DNM3: variants seen among roughly 807,000 people sequenced by gnomAD.
DNM3 encodes the protein dynamin-3.
Under a neutral mutation model 101.6 loss-of-function variants are expected in DNM3, and 47 were observed. The observed-to-expected ratio is 0.46, with a 90% CI of 0.37 to 0.59. The LOEUF is 0.59. Ranked by LOEUF, DNM3 falls within the 20% of genes least tolerant of loss-of-function variation. The pLI, the probability that DNM3 is intolerant of heterozygous loss-of-function variation, is 0.00. For missense variants in DNM3, 849 were observed against 1,085.7 expected (o/e 0.78, Z 3.06); for synonymous variants, 385 against 387.9 (o/e 0.99, Z 0.09).
At chr1:172,255,095 A>G (rs2148692276) in intron 15 of DNM3, among the ~76,000 whole-genome samples, 1 of 152,224 alleles carries the variant, frequency 6.6e-6, no homozygotes, top group South Asian at 2.1e-4. Context: ...AGTGACTCAT[A>G]ATACAAAAAT....
intron 4 of DNM3, among the ~76,000 whole-genome samples, chr1:172,001,066 G>T (rs1479097539): frequency 3.3e-5 from 5 of 152,018 alleles, no homozygotes; most frequent in Non-Finnish European, 7.4e-5. Flanking sequence ...ATGAGGATGG[G>T]ATACAGGGCA....
At chr1:172,208,973 A>C (rs2060417795) in intron 14 of DNM3, among the ~76,000 whole-genome samples, 2 of 152,082 alleles carry the variant, frequency 1.3e-5, no homozygotes, top group South Asian at 4.1e-4. Context: ...GAAGCAACAG[A>C]AGAGAGAAGG....
At chr1:171,989,237 T>G (rs902128111) in intron 4 of DNM3, 89 bp downstream of exon 4, 8 of 1,210,900 alleles carry the variant, frequency 6.6e-6, no homozygotes, top group Non-Finnish European at 7.8e-6. Flanking sequence ...AAGATTTGGT[T>G]TCATTATAAA....
chr1:171,985,272 CCTTTT>C (rs1184361496), intron 2 of DNM3, among the ~76,000 whole-genome samples: 3 of 152,050 alleles, frequency 2.0e-5, no homozygotes, highest in Non-Finnish European at 4.4e-5. Flanking sequence ...TCTAATTTTT[CCTTTT>C]AATTTTTGCT....
chr1:172,203,401 G>A (rs2060219216), intron 14 of DNM3, among the ~76,000 whole-genome samples: 1 of 152,188 alleles, frequency 6.6e-6, no homozygotes, highest in Non-Finnish European at 1.5e-5. Flanking sequence ...GGGTCGCAGA[G>A]TGGTTTTTGG....
chr1:172,266,153 A>G (rs767640287), intron 15 of DNM3, among the ~76,000 whole-genome samples: 2 of 152,098 alleles, frequency 1.3e-5, no homozygotes, highest in Non-Finnish European at 2.9e-5. Flanking sequence ...GTAGTGGTAT[A>G]TTTTTCCACT....
At chr1:172,096,396 T>G (rs2054246855) in intron 13 of DNM3, among the ~76,000 whole-genome samples, 1 of 152,144 alleles carries the variant, frequency 6.6e-6, no homozygotes, top group South Asian at 2.1e-4. Context: ...AAAAGGAGAT[T>G]AGTTAGAAGG....
chr1:171,843,936 A>G (rs902905626), intron 1 of DNM3, among the ~76,000 whole-genome samples: 1 of 152,186 alleles, frequency 6.6e-6, no homozygotes, highest in African/African-American at 2.4e-5. Context: ...GACTGTTAGA[A>G]CGCCAAATCA....
chr1:172,215,960 T>TA (rs35363776), intron 14 of DNM3, among the ~76,000 whole-genome samples: 2,637 of 136,858 alleles, frequency 0.019, 67 homozygotes, highest in African/African-American at 0.062. Context: ...ACACTCTCTT[T>TA]AAAAAAAAAA....
chr1:172,378,420 A>G (rs918125061), intron 17 of DNM3, among the ~76,000 whole-genome samples: 2 of 152,134 alleles, frequency 1.3e-5, no homozygotes, highest in African/African-American at 4.8e-5. Context: ...CAATGGAGCC[A>G]GTCTTTAGTA....
chr1:171,925,661 G>C (rs2040512372), intron 2 of DNM3, among the ~76,000 whole-genome samples: 1 of 152,174 alleles, frequency 6.6e-6, no homozygotes, highest in Admixed American at 6.5e-5. Flanking sequence ...TAGATCGTCT[G>C]TTTACTCTGT....
chr1:171,916,944 TCA>T (rs2039760354), intron 1 of DNM3, among the ~76,000 whole-genome samples: 1 of 152,172 alleles, frequency 6.6e-6, no homozygotes, highest in Non-Finnish European at 1.5e-5. Context: ...GCCTCCTACC[TCA>T]TATTTCTTCT....
intron 14 of DNM3, among the ~76,000 whole-genome samples, chr1:172,196,563 G>A (rs2059956389): frequency 6.6e-6 from 1 of 151,900 alleles, no homozygotes; most frequent in African/African-American, 2.4e-5. Context: ...AACCTTGCCA[G>A]CATCTATTAT....
chr1:172,409,399 CAGAG>C lies in DNM3; in HGVS notation c.*1560_*1563del, dbSNP rs2071087536. ...GTAAAAACTTTTAACCATTATTAAA[CAGAG>C]AACTTGCCATGTTGAGTGCCATTGT... is the stretch of plus-strand genomic sequence containing the variant. On this transcript the variant is annotated 3_prime_UTR_variant, in exon 21 of 21. Transcript: ENST00000627582. 1.0e-6 allele frequency: 1 copy of C among 984,776 alleles called. No homozygotes were observed. Among genetic ancestry groups the C allele is most frequent in the Non-Finnish European group, 1.2e-6 (1 of 829,486 alleles). The allele number at this position is 984,776 out of a possible 1,614,324, so 61.0% of individuals were successfully genotyped here.
chr1:172,277,644 T>C (rs1164416850), intron 15 of DNM3, among the ~76,000 whole-genome samples: 1 of 152,016 alleles, frequency 6.6e-6, no homozygotes, highest in African/African-American at 2.4e-5. Context: ...CAAAAAAAGG[T>C]GTAATATAAC....
intron 2 of DNM3, among the ~76,000 whole-genome samples, chr1:171,979,326 T>C (rs1020401028): frequency 6.6e-6 from 1 of 152,198 alleles, no homozygotes; most frequent in African/African-American, 2.4e-5. Context: ...ATTTTGTGGG[T>C]ACATAGTAGG....
intron 2 of DNM3, among the ~76,000 whole-genome samples, chr1:171,944,273 C>T (rs2042003235): frequency 6.6e-6 from 1 of 151,972 alleles, no homozygotes. Context: ...AGAGACTGTA[C>T]AAAAACAGAT....
intron 2 of DNM3, among the ~76,000 whole-genome samples, chr1:171,933,593 G>T (rs969952713): frequency 1.3e-5 from 2 of 152,146 alleles, no homozygotes; most frequent in Non-Finnish European, 2.9e-5. Flanking sequence ...AGTTTAGAAA[G>T]GAGGCAAGTG....
intron 8 of DNM3, among the ~76,000 whole-genome samples, chr1:172,043,238 G>T (rs10910970): frequency 0.37 from 55,669 of 151,910 alleles, 10,665 homozygotes; most frequent in East Asian, 0.64. Context: ...TGACTTCCAA[G>T]GTTTTGGCTT....
Sources: gnomAD v4.1 joint callset for allele counts (sites outside exome capture counted in the v4.1 genomes callset) on GRCh38, gnomAD v4.1.1 for gene constraint, MANE v1.5 for transcripts, NCBI Gene and HGNC (gene_info 2026-07-23, HGNC 2026-07-21) for gene names.